Variants in SPHKAP observed in about 807,000 individuals in gnomAD.
SPHKAP encodes the protein SPHK1 interactor, AKAP domain containing.
A neutral mutation model predicts 137.5 loss-of-function variants in SPHKAP; 67 were observed. That is an observed-to-expected ratio of 0.49 (90% CI 0.40 to 0.60). SPHKAP has a LOEUF of 0.60. Ranked by LOEUF, SPHKAP falls within the 20% of genes least tolerant of loss-of-function variation. SPHKAP has a pLI of 0.00. For synonymous variants in SPHKAP, 813 were observed against 785.3 expected (o/e 1.04, Z -0.59); for missense variants, 2,097 against 2,069.3 (o/e 1.01, Z -0.26).
rs774779293 is a variant in SPHKAP, at chr2:228,017,462, C to CT, written c.3391dup (p.Arg1131LysfsTer10). 1 of 1,613,852 alleles carries CT rather than the reference C, an allele frequency of 6.2e-7. No individual in the cohort carries two copies. The highest frequency in any genetic ancestry group is 1.1e-5 in the South Asian group (1 of 91,066). ...ATTTTCCATCTGGTTCACCATGAACCTGGAAAACTCATCGGTGATGCTCTC... is the reference window on the plus strand; with the variant it reads ...ATTTTCCATCTGGTTCACCATGAACCTTGGAAAACTCATCGGTGATGCTCTC... On this transcript the variant is annotated frameshift_variant, in exon 7 of 12. Transcript: ENST00000392056. LOFTEE classifies it high-confidence loss of function.
At chr2:228,080,875 G>T (rs1488167676) in intron 3 of SPHKAP, among the ~76,000 whole-genome samples, 1 of 152,204 alleles carries the variant, frequency 6.6e-6, no homozygotes, top group Non-Finnish European at 1.5e-5. Flanking sequence ...AGGATGTGGA[G>T]AAATTAGAAC....
intron 3 of SPHKAP, among the ~76,000 whole-genome samples, chr2:228,073,821 G>C (rs1697085032): frequency 6.6e-6 from 1 of 152,086 alleles, no homozygotes. Flanking sequence ...CTCTGCAAGT[G>C]ATTTTGATTA....
intron 11 of SPHKAP, among the ~76,000 whole-genome samples, chr2:227,989,224 G>T (rs996916177): frequency 2.6e-5 from 4 of 152,248 alleles, no homozygotes; most frequent in East Asian, 1.9e-4. Flanking sequence ...ACTTGAGAAA[G>T]ATCCTTTTAA....
intron 1 of SPHKAP, among the ~76,000 whole-genome samples, chr2:228,138,631 G>A (rs1251779153): frequency 1.3e-5 from 2 of 152,074 alleles, no homozygotes. Context: ...AAAATATTTA[G>A]AAGCCATCAT....
At chr2:228,078,380 C>CTTT (rs11322966) in intron 3 of SPHKAP, among the ~76,000 whole-genome samples, 10 of 128,190 alleles carry the variant, frequency 7.8e-5, no homozygotes, top group East Asian at 2.3e-4. Flanking sequence ...TGTTGGCAGA[C>CTTT]TTTTTTTTTT....
At chr2:227,989,684 C>A (rs924999733) in intron 11 of SPHKAP, among the ~76,000 whole-genome samples, 3 of 152,082 alleles carry the variant, frequency 2.0e-5, no homozygotes, top group African/African-American at 7.2e-5. Flanking sequence ...CGGCTCACTG[C>A]AACCTCCACT....
intron 7 of SPHKAP, among the ~76,000 whole-genome samples, chr2:228,002,272 T>G (rs2106181940): frequency 6.6e-6 from 1 of 152,346 alleles, no homozygotes; most frequent in African/African-American, 2.4e-5. Context: ...CTAACTGCTG[T>G]GAGATGATAT....
At chr2:228,146,058 CT>C (rs35043110) in intron 1 of SPHKAP, among the ~76,000 whole-genome samples, 2 of 152,032 alleles carry the variant, frequency 1.3e-5, no homozygotes, top group African/African-American at 4.8e-5. Flanking sequence ...TTGTTTTTGC[CT>C]TTCACGTTAG....
At chr2:228,003,850 A>T (rs981502819) in intron 7 of SPHKAP, among the ~76,000 whole-genome samples, 1 of 152,182 alleles carries the variant, frequency 6.6e-6, no homozygotes, top group African/African-American at 2.4e-5. Context: ...TTCTGTTTAC[A>T]TACCTGATTA....
intron 3 of SPHKAP, 148 bp downstream of exon 3, chr2:228,108,684 T>C (rs967629811): frequency 1.6e-5 from 9 of 549,664 alleles, no homozygotes; most frequent in South Asian, 1.6e-4. Context: ...TTTTGTTAAC[T>C]GTCCATATAA....
At chr2:228,066,851 T>G (rs1195661956) in intron 3 of SPHKAP, among the ~76,000 whole-genome samples, 1 of 152,246 alleles carries the variant, frequency 6.6e-6, no homozygotes, top group Non-Finnish European at 1.5e-5. Context: ...TTTTTAGCAT[T>G]CATTTAAACT....
chr2:228,088,207 A>C (rs1697601920), intron 3 of SPHKAP, among the ~76,000 whole-genome samples: 1 of 152,162 alleles, frequency 6.6e-6, no homozygotes, highest in Non-Finnish European at 1.5e-5. Flanking sequence ...CTTTTCTTGG[A>C]TTCTTTAATA....
At chr2:228,159,943 G>A (rs1169216529) in intron 1 of SPHKAP, among the ~76,000 whole-genome samples, 1 of 152,216 alleles carries the variant, frequency 6.6e-6, no homozygotes. Flanking sequence ...CTGGGGCTAG[G>A]AGCCTGGAGC....
chr2:228,074,042 G>A (rs1008748774), intron 3 of SPHKAP, among the ~76,000 whole-genome samples: 4 of 152,164 alleles, frequency 2.6e-5, no homozygotes, highest in African/African-American at 9.7e-5. Flanking sequence ...GTTTTCAAAA[G>A]TCACCATATA....
intron 7 of SPHKAP, chr2:227,996,039 A>T: frequency 1.0e-6 from 1 of 985,290 alleles, no homozygotes; most frequent in Non-Finnish European, 1.2e-6. Context: ...CCGAGAGATT[A>T]TGATTCAGTG....
chr2:228,040,408 T>A lies in SPHKAP; in HGVS notation c.247-12865A>T, dbSNP rs182253289. 6.8e-4 allele frequency among the ~76,000 whole-genome samples: 104 copies of A among 152,300 alleles called. 1 individual carries two copies. Among genetic ancestry groups the A allele is most frequent in the Middle Eastern group, 3.4e-3 (1 of 294 alleles). ...TTTTCTGCCTAGTACTGTAGGCAAT[T>A]TTTTCATCAACGGTGTTATGCCACC... On this transcript the variant is annotated intron_variant, in intron 3 of 11. Coordinates refer to ENST00000392056, the MANE Select transcript of SPHKAP (RefSeq NM_001142644.2).
At position 228,019,374 on chromosome 2, in the gene SPHKAP, T is replaced by G; in HGVS notation, c.1480A>C (p.Ser494Arg). The change falls in exon 7 of 12, where the codon AGT (serine) becomes CGT (arginine). Residue 494 changes from serine to arginine, a missense_variant. Ser to Arg is a moderately radical substitution (Grantham distance 110, BLOSUM62 -1). Coordinates refer to ENST00000392056, the MANE Select transcript of SPHKAP (RefSeq NM_001142644.2). ...SGENSSRQPQSALEVALACAA... is the reference protein window; with the variant it reads ...SGENSSRQPQRALEVALACAA... ...CAAGCTAACGCCACTTCTAGAGCAC[T>G]CTGGGGTTGTCTGCTGGAGTTCTCT... 1 of 1,614,142 alleles carries G rather than the reference T, an allele frequency of 6.2e-7. No homozygotes were observed.
chr2:228,181,484 C>A lies in SPHKAP; in HGVS notation c.32+83G>T. 1 of 1,602,020 alleles carries A rather than the reference C, an allele frequency of 6.2e-7. No individual in the cohort carries two copies. The highest frequency in any genetic ancestry group is 1.1e-5 in the South Asian group (1 of 90,806). ...GGAGCCCCGTGCAAACCGAAGCGCT[C>A]TGGGGCAAGTTGGTGAGCGACTCAC... On this transcript the variant is annotated intron_variant, in intron 1 of 11. Coordinates refer to ENST00000392056, the MANE Select transcript of SPHKAP (RefSeq NM_001142644.2). This position sits in a 1 kb window ranked among gnomAD's most constrained non-coding sequence, Gnocchi z 4.3.
intron 1 of SPHKAP, among the ~76,000 whole-genome samples, chr2:228,166,078 G>T (rs1260671816): frequency 6.6e-6 from 1 of 152,132 alleles, no homozygotes; most frequent in African/African-American, 2.4e-5. Flanking sequence ...GAAAATCCAC[G>T]AGGACTATGA....
Sources: allele counts gnomAD v4.1 joint callset (sites outside exome capture counted in the v4.1 genomes callset), GRCh38; gene constraint gnomAD v4.1.1; non-coding constraint Gnocchi (gnomAD v3.1); transcripts MANE v1.5; gene names NCBI Gene and HGNC (gene_info 2026-07-23, HGNC 2026-07-21).